CHRNA6: variants seen among roughly 807,000 people sequenced by gnomAD.
CHRNA6 encodes the protein cholinergic receptor nicotinic alpha 6 subunit, also known as neuronal acetylcholine receptor subunit alpha-6.
Under a neutral mutation model 40.9 loss-of-function variants are expected in CHRNA6, and 31 were observed. That is an observed-to-expected ratio of 0.76 (90% CI 0.57 to 1.02). The LOEUF is 1.02. Ranked by LOEUF, CHRNA6 falls within the 50% of genes least tolerant of loss-of-function variation. CHRNA6 has a pLI of 0.00. For missense variants in CHRNA6, 546 were observed against 596.6 expected (o/e 0.92, Z 0.88); for synonymous variants, 222 against 221.3 (o/e 1.00, Z -0.03).
chr8:42,765,522 G>A (rs1052159923), intron 1 of CHRNA6, among the ~76,000 whole-genome samples: 1 of 152,210 alleles, frequency 6.6e-6, no homozygotes, highest in Non-Finnish European at 1.5e-5. Flanking sequence ...TAGACACAAG[G>A]CTTGGAATCT....
At position 42,759,465 on chromosome 8, in the gene CHRNA6, G is replaced by A. The variant is rs138618670; in HGVS notation, c.220-352C>T. 3.1e-3 allele frequency: 730 copies of A among 232,646 alleles called. 10 individuals carry two copies. The highest frequency in any genetic ancestry group is 0.015 in the African/African-American group (689 of 45,326). 14.4% of individuals were successfully genotyped at this position (232,646 alleles called of 1,614,324 possible). A position where few individuals can be genotyped will look rare whatever the true frequency, so the allele number is the denominator to read the frequency against. On this transcript the variant is annotated intron_variant, in intron 2 of 5. Coordinates refer to ENST00000276410, the MANE Select transcript of CHRNA6 (RefSeq NM_004198.3). The stretch of plus-strand genomic sequence containing the variant: ...GACAGCAGGTAGGAGGGAGGGAGAT[G>A]CTGCAGAAAGTGGTGAGGATTCCAA...
chr8:42,761,252 A>C (rs1462576011), intron 2 of CHRNA6, among the ~76,000 whole-genome samples: 1 of 152,234 alleles, frequency 6.6e-6, no homozygotes, highest in Non-Finnish European at 1.5e-5. Context: ...CCAGGAAGCA[A>C]AGAAATTATC....
chr8:42,766,118 G>A (rs1203994675), intron 1 of CHRNA6, among the ~76,000 whole-genome samples: 3 of 152,178 alleles, frequency 2.0e-5, no homozygotes, highest in African/African-American at 4.8e-5. Context: ...ACATGCATGC[G>A]TATGTTCACT....
intron 1 of CHRNA6, among the ~76,000 whole-genome samples, chr8:42,765,474 C>T (rs1816964272): frequency 6.6e-6 from 1 of 152,192 alleles, no homozygotes; most frequent in Non-Finnish European, 1.5e-5. Flanking sequence ...TCGGTCAGAG[C>T]ATTTCTTAAA....
chr8:42,765,213 C>A lies in CHRNA6; in HGVS notation c.80-9G>T, dbSNP rs200802976. 3.1e-6 allele frequency: 5 copies of A among 1,612,726 alleles called. No homozygotes were observed. In the African/African-American group the frequency reaches 5.3e-5, roughly 17 times the overall value. The stretch of plus-strand genomic sequence containing the variant: ...TGCACAGCCCACACAGCCTGTGAGG[C>A]CAAACAAAGGGGAGAGTTAGAGCCA... On this transcript the variant is annotated splice_polypyrimidine_tract_variant and intron_variant, in intron 1 of 5. Coordinates refer to ENST00000276410, the MANE Select transcript of CHRNA6 (RefSeq NM_004198.3).
In CHRNA6 at chr8:42,768,374, A is replaced by AC. The variant is rs1817000299; in HGVS notation, c.56dup (p.Cys19TrpfsTer8). ...TACCTTTAAAGAAAGGTGTGAACAC[A>AC]CACAGCCAGAGACACAAGCCCCCAT... is the stretch of plus-strand genomic sequence containing the variant. On this transcript the variant is annotated frameshift_variant, in exon 1 of 6. Coordinates refer to ENST00000276410, the MANE Select transcript of CHRNA6 (RefSeq NM_004198.3). LOFTEE classifies it high-confidence loss of function. 1 of 1,613,962 alleles carries AC rather than the reference A, an allele frequency of 6.2e-7. No homozygotes were observed. Among genetic ancestry groups the AC allele is most frequent in the Non-Finnish European group, 8.5e-7 (1 of 1,179,916 alleles).
chr8:42,756,381 G>A lies in CHRNA6; in HGVS notation c.818C>T (p.Thr273Met), dbSNP rs144350308. Residue 273 changes from threonine to methionine, a missense_variant, in exon 5 of 6, where the codon ACG (threonine) becomes ATG (methionine). Physicochemically the swap from Thr to Met is moderately conservative, Grantham distance 81. Transcript: ENST00000276410. ...AGAAAGCAGGACTGAAATACAAAGC[G>A]TCACTTTTTCACCACAGTCCGAAGG... ...YLPSDCGEKV[T>M]LCISVLLSLT... 14 of 1,614,088 alleles carry A rather than the reference G, an allele frequency of 8.7e-6. No homozygotes were observed. Among genetic ancestry groups the A allele is most frequent in the Admixed American group, 3.3e-5 (2 of 60,004 alleles).
At position 42,768,347 on chromosome 8, in the gene CHRNA6, C is replaced by G. The variant is rs760813110; in HGVS notation, c.79+5G>C. On this transcript the variant is annotated splice_donor_5th_base_variant and intron_variant, in intron 1 of 5. Transcript: ENST00000276410. ...AATAGAAGATAAAGCAGAAATGAAA[C>G]CTACCTTTAAAGAAAGGTGTGAACA... is the stretch of plus-strand genomic sequence containing the variant. The G allele has an allele frequency of 6.2e-7, 1 of 1,611,124 alleles. No homozygotes were observed. The highest frequency in any genetic ancestry group is 8.5e-7 in the Non-Finnish European group (1 of 1,177,486).
In CHRNA6 at chr8:42,756,073, T is replaced by TGA; in HGVS notation, c.1125_1126insTC (p.Arg376SerfsTer37). ...GCAAGCTTGCCTTTGGCAGGCCTCC[T>TGA]GGCAAGGCCTCTGGGCACTGCATCA... On this transcript the variant is annotated frameshift_variant, in exon 5 of 6. Transcript: ENST00000276410. LOFTEE classifies it high-confidence loss of function. The TGA allele has an allele frequency of 1.9e-6, 3 of 1,614,246 alleles. No homozygotes were observed. In the East Asian group the frequency reaches 6.7e-5, roughly 36 times the overall value.
intron 5 of CHRNA6, 76 bp from the exon 6 acceptor site, chr8:42,753,386 G>C (rs939691447): frequency 9.0e-6 from 12 of 1,330,620 alleles, no homozygotes; most frequent in Non-Finnish European, 1.3e-5. Flanking sequence ...TCATCAATAA[G>C]CTGCTTCTTT....
rs1816801679 is a variant in CHRNA6, at chr8:42,756,426, G to A, written c.773C>T (p.Thr258Ile). ...CGAAGGAAGGTAAAAGACCAACACG[G>A]TTAGAAATGAAATAAAGAGACAAGG... ...IIPCLFISFL[T>I]VLVFYLPSDC... Residue 258 changes from threonine to isoleucine, a missense_variant, in exon 5 of 6, where the codon ACC becomes ATC. Physicochemically the swap from Thr to Ile is moderately conservative, Grantham distance 89. Transcript: ENST00000276410. 6.2e-7 allele frequency: 1 copy of A among 1,614,222 alleles called. No individual in the cohort carries two copies. Among genetic ancestry groups the A allele is most frequent in the Non-Finnish European group, 8.5e-7 (1 of 1,180,028 alleles).
chr8:42,765,452 A>G (rs1279354830), intron 1 of CHRNA6, among the ~76,000 whole-genome samples: 2 of 152,262 alleles, frequency 1.3e-5, no homozygotes, highest in Non-Finnish European at 2.9e-5. Context: ...AGCAGTATCA[A>G]AGAAAATGAT....
At chr8:42,767,579 T>C (rs866463396) in intron 1 of CHRNA6, among the ~76,000 whole-genome samples, 136 of 152,318 alleles carry the variant, frequency 8.9e-4, no homozygotes, top group African/African-American at 3.0e-3. Flanking sequence ...TCTGTTAAAT[T>C]ACTAAATGGA....
intron 1 of CHRNA6, among the ~76,000 whole-genome samples, chr8:42,766,322 C>T (rs1041620695): frequency 6.6e-6 from 1 of 152,104 alleles, no homozygotes; most frequent in Non-Finnish European, 1.5e-5. Flanking sequence ...GAAACCCCGT[C>T]CCTACCAAAA....
At position 42,765,058 on chromosome 8, in the gene CHRNA6, C is replaced by T; in HGVS notation, c.219+7G>A. 6.2e-7 allele frequency: 1 copy of T among 1,613,838 alleles called. No homozygotes were observed. Among genetic ancestry groups the T allele is most frequent in the Non-Finnish European group, 8.5e-7 (1 of 1,179,836 alleles). ...GCTGGGGAAAGCTCTGATCAGAGGG[C>T]ACTCACCACGTTGGCCAGCTGGGTG... On this transcript the variant is annotated splice_region_variant and intron_variant, in intron 2 of 5. Transcript: ENST00000276410.
chr8:42,755,834 A>G lies in CHRNA6; in HGVS notation c.1353+12T>C, dbSNP rs199681969. ...GGTGCAAGCTGGCTGGGTGGAGGGA[A>G]CACACATTTACCTCCTTGGTTTCAT... is the stretch of plus-strand genomic sequence containing the variant. On this transcript the variant is annotated intron_variant, in intron 5 of 5. Coordinates refer to ENST00000276410, the MANE Select transcript of CHRNA6 (RefSeq NM_004198.3). The G allele has an allele frequency of 3.5e-4, 563 of 1,607,114 alleles. 1 individual carries two copies. Among genetic ancestry groups the G allele is most frequent in the Non-Finnish European group, 4.2e-4 (496 of 1,176,210 alleles).
At position 42,760,421 on chromosome 8, in the gene CHRNA6, T is replaced by A. The variant is rs16891596; in HGVS notation, c.220-1308A>T. The stretch of plus-strand genomic sequence containing the variant: ...ATACACATTCGTACTCTTATACGTA[T>A]ACTCTCATACACACACTCGTACGTG... On this transcript the variant is annotated intron_variant, in intron 2 of 5. Coordinates refer to ENST00000276410, the MANE Select transcript of CHRNA6 (RefSeq NM_004198.3). Among the ~76,000 whole-genome samples, 1,118 of 151,870 alleles carry A rather than the reference T, an allele frequency of 7.4e-3. 16 individuals are homozygous for A. The highest frequency in any genetic ancestry group is 0.026 in the African/African-American group (1,079 of 41,434).
chr8:42,766,999 T>G (rs1816984542), intron 1 of CHRNA6, among the ~76,000 whole-genome samples: 1 of 152,260 alleles, frequency 6.6e-6, no homozygotes, highest in African/African-American at 2.4e-5. Context: ...GGAGTCTCGC[T>G]CTGTTGCCCA....
In CHRNA6 at chr8:42,756,699, A is replaced by G; in HGVS notation, c.500T>C (p.Phe167Ser). ...SCPMDITFFP[F>S]DHQNCSLKFG... Reference sequence around the variant, plus strand: ...TTTTAGGGAACAGTTTTGATGATCAAAAGGGAAAAAGGTGATATCCATAGG... The same window carrying G: ...TTTTAGGGAACAGTTTTGATGATCAGAAGGGAAAAAGGTGATATCCATAGG... The change falls in exon 5 of 6, where the codon TTT (phenylalanine) becomes TCT (serine). Residue 167 changes from phenylalanine to serine, a missense_variant. Transcript: ENST00000276410. The G allele has an allele frequency of 6.2e-7, 1 of 1,614,174 alleles. No individual in the cohort carries two copies. Among genetic ancestry groups the G allele is most frequent in the Non-Finnish European group, 8.5e-7 (1 of 1,180,022 alleles).
Sources: gnomAD v4.1 joint callset for allele counts (sites outside exome capture counted in the v4.1 genomes callset) on GRCh38, gnomAD v4.1.1 for gene constraint, MANE v1.5 for transcripts, NCBI Gene and HGNC (gene_info 2026-07-23, HGNC 2026-07-21) for gene names.